GTF2F2: variants seen among roughly 807,000 people sequenced by gnomAD.
GTF2F2 encodes ATP-dependent helicase GTF2F2.
GTF2F2 carries 23 observed loss-of-function variants against 42.2 expected under a neutral mutation model. The ratio of observed to expected loss-of-function variants is 0.55; its 90% CI spans 0.39 to 0.77. GTF2F2 has a LOEUF of 0.77. Ranked by LOEUF, GTF2F2 falls within the 30% of genes least tolerant of loss-of-function variation. The pLI is 0.00. For synonymous variants in GTF2F2, 105 were observed against 100.8 expected (o/e 1.04, Z -0.25); for missense variants, 261 against 287.2 (o/e 0.91, Z 0.66).
intron 5 of GTF2F2, among the ~76,000 whole-genome samples, chr13:45,250,321 C>T (rs1875826304): frequency 6.6e-6 from 1 of 152,128 alleles, no homozygotes; most frequent in African/African-American, 2.4e-5. Flanking sequence ...TCCCAAATTA[C>T]AGGTGTGAGC....
rs1184620639 is a variant in GTF2F2 at position 45,284,622 on chromosome 13, T to G, written c.*1061T>G. ...ACTCGTTCATTTTGTCATCTGCTTCTAGATGCTGCAATCAAGAAGTAGCAA... is the reference window on the plus strand; with the variant it reads ...ACTCGTTCATTTTGTCATCTGCTTCGAGATGCTGCAATCAAGAAGTAGCAA... On this transcript the variant is annotated 3_prime_UTR_variant, in exon 8 of 8. Transcript: ENST00000340473. 1 of 152,158 alleles carries G rather than the reference T, an allele frequency of 6.6e-6. No homozygotes were observed. Among genetic ancestry groups the G allele is most frequent in the Non-Finnish European group, 1.5e-5 (1 of 68,032 alleles). The allele number at this position is 152,158 out of a possible 1,614,324, so 9.4% of individuals were successfully genotyped here.
At chr13:45,124,177 G>T (rs935856004) in intron 1 of GTF2F2, 6 of 469,522 alleles carry the variant, frequency 1.3e-5, no homozygotes, top group Middle Eastern at 6.4e-4. Context: ...CCACCTCGTG[G>T]GTTCAAGCGA....
intron 4 of GTF2F2, among the ~76,000 whole-genome samples, chr13:45,152,970 G>A (rs1870567810): frequency 6.6e-6 from 1 of 151,258 alleles, no homozygotes; most frequent in African/African-American, 2.4e-5. Context: ...ATTATAGTAT[G>A]TTAAGAACAC....
In GTF2F2 at chr13:45,198,035, T is replaced by G. The variant is rs139497632; in HGVS notation, c.305-9389T>G. Among the ~76,000 whole-genome samples the G allele has an allele frequency of 6.4e-3, 978 of 152,370 alleles. 11 individuals carry two copies. Among genetic ancestry groups the G allele is most frequent in the African/African-American group, 0.023 (939 of 41,584 alleles). On this transcript the variant is annotated intron_variant, in intron 4 of 7. Transcript: ENST00000340473. ...TTTCCTACTCAGTACCTTAACTCTT[T>G]ATTAGAGTTAGATCACCTCTGTCTT...
At chr13:45,157,794 G>A (rs1220248561) in intron 4 of GTF2F2, among the ~76,000 whole-genome samples, 2 of 151,890 alleles carry the variant, frequency 1.3e-5, no homozygotes, top group African/African-American at 2.4e-5. Flanking sequence ...TGTTTCCCAG[G>A]CTGGTCTCGA....
chr13:45,201,862 T>G (rs1455944959), intron 4 of GTF2F2, among the ~76,000 whole-genome samples: 1 of 152,088 alleles, frequency 6.6e-6, no homozygotes, highest in Non-Finnish European at 1.5e-5. Context: ...TCCAAAGCCT[T>G]TGGTAGGATG....
At chr13:45,249,319 CT>C (rs1256524073) in intron 5 of GTF2F2, among the ~76,000 whole-genome samples, 1 of 151,836 alleles carries the variant, frequency 6.6e-6, no homozygotes, top group African/African-American at 2.4e-5. Context: ...AATTAAAACC[CT>C]TGTGGTTGCC....
chr13:45,178,140 G>C (rs903099077), intron 4 of GTF2F2, among the ~76,000 whole-genome samples: 2 of 151,682 alleles, frequency 1.3e-5, no homozygotes, highest in African/African-American at 4.8e-5. Flanking sequence ...CTCTCCTCCT[G>C]AGATTCTGAT....
intron 5 of GTF2F2, among the ~76,000 whole-genome samples, chr13:45,224,896 AT>A (rs1275089803): frequency 7.2e-5 from 11 of 152,300 alleles, no homozygotes; most frequent in Non-Finnish European, 1.3e-4. Flanking sequence ...CCTCCAACAT[AT>A]TTTGTGGGAT....
chr13:45,281,965 G>A (rs913580366), intron 7 of GTF2F2, among the ~76,000 whole-genome samples: 11 of 152,234 alleles, frequency 7.2e-5, no homozygotes, highest in Non-Finnish European at 8.8e-5. Context: ...TTGGGAGGCC[G>A]AAGTGGGTGG....
At chr13:45,124,080 A>G in intron 1 of GTF2F2, 1 of 924,830 alleles carries the variant, frequency 1.1e-6, no homozygotes. Flanking sequence ...TCATTGTCTT[A>G]CCAGGAAATG....
intron 1 of GTF2F2, among the ~76,000 whole-genome samples, chr13:45,126,011 G>T (rs1868976038): frequency 6.6e-6 from 1 of 152,048 alleles, no homozygotes; most frequent in South Asian, 2.1e-4. Flanking sequence ...TTTAGTGGAG[G>T]CAATTTCAAA....
intron 1 of GTF2F2, among the ~76,000 whole-genome samples, chr13:45,126,179 G>A (rs1046220556): frequency 1.3e-5 from 2 of 151,924 alleles, no homozygotes; most frequent in Admixed American, 1.3e-4. Flanking sequence ...GCTAGCAGTT[G>A]GGGAACTAGA....
chr13:45,120,580 C>T lies in GTF2F2; in HGVS notation c.-76C>T. The T allele has an allele frequency of 9.3e-7, 1 of 1,070,030 alleles. No individual in the cohort carries two copies. Among genetic ancestry groups the T allele is most frequent in the South Asian group, 1.4e-5 (1 of 73,824 alleles). 66.3% of individuals were successfully genotyped at this position (1,070,030 alleles called of 1,614,324 possible). On this transcript the variant is annotated 5_prime_UTR_variant, in exon 1 of 8. Transcript: ENST00000340473. The stretch of plus-strand genomic sequence containing the variant: ...CTCTCAGCGCGGCTTGTCCTTTGTT[C>T]CGGACGCCCGCTCCTCAGCCCTGCG...
chr13:45,262,111 C>T (rs1876366222), intron 6 of GTF2F2, among the ~76,000 whole-genome samples: 1 of 152,148 alleles, frequency 6.6e-6, no homozygotes, highest in Admixed American at 6.5e-5. Flanking sequence ...GTGGCTCATG[C>T]CTGTAATTCC....
chr13:45,242,522 A>G (rs1875369275), intron 5 of GTF2F2, among the ~76,000 whole-genome samples: 1 of 152,098 alleles, frequency 6.6e-6, no homozygotes, highest in African/African-American at 2.4e-5. Context: ...TGAATGCTGG[A>G]GTGATATATT....
intron 4 of GTF2F2, among the ~76,000 whole-genome samples, chr13:45,168,418 C>T (rs1004119558): frequency 6.6e-6 from 1 of 152,184 alleles, no homozygotes; most frequent in Non-Finnish European, 1.5e-5. Context: ...CCAATATCTG[C>T]CAGGAGTTGT....
chr13:45,178,401 C>T, intron 4 of GTF2F2, among the ~76,000 whole-genome samples: 1 of 148,606 alleles, frequency 6.7e-6, no homozygotes, highest in African/African-American at 2.5e-5. Flanking sequence ...TGACAATTTT[C>T]CCTGTAGGTA....
At chr13:45,211,644 A>G (rs1873648281) in intron 5 of GTF2F2, among the ~76,000 whole-genome samples, 1 of 150,448 alleles carries the variant, frequency 6.6e-6, no homozygotes, top group Non-Finnish European at 1.5e-5. Context: ...CTAGAGTGCA[A>G]TGGTGCAATC....
Sources: allele counts gnomAD v4.1 joint callset (sites outside exome capture counted in the v4.1 genomes callset), GRCh38; gene constraint gnomAD v4.1.1; transcripts MANE v1.5; gene names NCBI Gene and HGNC (gene_info 2026-07-23, HGNC 2026-07-21).